The following SLC5A10 variants were observed in gnomAD, a reference collection of about 807,000 sequenced individuals.
SLC5A10 encodes the protein solute carrier family 5 member 10.
In SLC5A10, 55 loss-of-function variants were observed where a neutral mutation model predicts 68.9. That is an observed-to-expected ratio of 0.80 (90% CI 0.64 to 1.00). The LOEUF (loss-of-function observed/expected upper bound fraction) is 1.00, where lower values mean the gene tolerates loss of function less well. SLC5A10 is among the 50% of genes least tolerant of loss of function. SLC5A10 has a pLI of 0.00. For synonymous variants in SLC5A10, 344 were observed against 344.8 expected, an observed-to-expected ratio of 1.00 and a Z score of 0.02; for missense variants, 732 against 819.3, an observed-to-expected ratio of 0.89 and a Z score of 1.30.
upstream of SLC5A10, chr17:18,952,084 G>C: frequency 6.9e-7 from 1 of 1,455,176 alleles, no homozygotes; most frequent in Non-Finnish European, 9.1e-7. Context: ...CACATCATGG[G>C]CTGGAGATGC....
At chr17:18,977,846 C>CG (rs753077917) in intron 9 of SLC5A10, 10 of 1,610,836 alleles carry the variant, frequency 6.2e-6, no homozygotes, top group Non-Finnish European at 7.6e-6. Context: ...TGAGGGCCGT[C>CG]GGGGGCCAGG....
rs2043780798 is a variant in SLC5A10 at position 19,003,348 on chromosome 17, G to A, written c.983-10062G>A. Among the ~76,000 whole-genome samples the A allele has an allele frequency of 6.6e-6, 1 of 152,012 alleles. No homozygotes were observed. The highest frequency in any genetic ancestry group is 1.5e-5 in the Non-Finnish European group (1 of 67,984). ...AACCCTACCCTGCAAAGAAACTGCGGATCCCCACGAAGGTGGGGAGGAAAC... is the reference window on the plus strand; with the variant it reads ...AACCCTACCCTGCAAAGAAACTGCGAATCCCCACGAAGGTGGGGAGGAAAC... On this transcript the variant is annotated intron_variant, in intron 9 of 14. Transcript: ENST00000395645. The surrounding 1 kb of genome is among the most constrained non-coding windows in gnomAD (Gnocchi z 4.5).
intron 9 of SLC5A10, among the ~76,000 whole-genome samples, chr17:18,986,671 C>A (rs1477653335): frequency 6.6e-6 from 1 of 152,248 alleles, no homozygotes; most frequent in Non-Finnish European, 1.5e-5. Context: ...GAAGGCGAGG[C>A]CTCTGGAGTG....
intron 9 of SLC5A10, chr17:18,986,349 T>C (rs988697365): frequency 6.6e-6 from 1 of 152,214 alleles, no homozygotes; most frequent in South Asian, 2.1e-4. Context: ...GTGTTATTAT[T>C]TGTAGTTGTT....
At chr17:18,950,796 A>G, upstream of SLC5A10, 1 of 577,032 alleles carries the variant, frequency 1.7e-6, no homozygotes, top group Non-Finnish European at 2.2e-6. Flanking sequence ...GCTCACTGCA[A>G]TCTCTACCTC....
intron 1 of SLC5A10, among the ~76,000 whole-genome samples, chr17:18,952,740 C>A (rs1216872573): frequency 6.6e-6 from 1 of 151,460 alleles, no homozygotes; most frequent in African/African-American, 2.4e-5. Flanking sequence ...GCCCTGGGAA[C>A]TGGGGGTCTT....
At position 18,952,240 on chromosome 17, in the gene SLC5A10, C is replaced by T. The variant is rs2042380821; in HGVS notation, c.35C>T (p.Pro12Leu). ...AANSTSDLHT[P>L]GTQLSVADII... Reference sequence around the variant, plus strand: ...AACTCCACCAGCGACCTCCACACTCCCGGGACGCAGCTGAGCGTGGCTGAC... The same window carrying T: ...AACTCCACCAGCGACCTCCACACTCTCGGGACGCAGCTGAGCGTGGCTGAC... Residue 12 changes from proline to leucine, a missense_variant, in exon 1 of 15, where the codon CCC (proline) becomes CTC (leucine). Coordinates refer to ENST00000395645, the MANE Select transcript of SLC5A10 (RefSeq NM_001042450.4). The T allele has an allele frequency of 6.2e-7, 1 of 1,613,882 alleles. No homozygotes were observed. Among genetic ancestry groups the T allele is most frequent in the Non-Finnish European group, 8.5e-7 (1 of 1,179,892 alleles).
In SLC5A10 at chr17:18,958,988, G is replaced by T. The variant is rs115522833; in HGVS notation, c.184-147G>T. On this transcript the variant is annotated intron_variant, in intron 2 of 14. Coordinates refer to ENST00000395645, the MANE Select transcript of SLC5A10 (RefSeq NM_001042450.4). ...CTCCTTAGCTGTGCAGCTAGTCATG[G>T]GTAGAACACACACCCTGGGCTCCTC... The T allele has an allele frequency of 2.2e-3, 1,821 of 810,398 alleles. 23 individuals carry two copies. In the African/African-American group the frequency reaches 0.029, roughly 13 times the overall value. The allele number at this position is 810,398 out of a possible 1,614,324, so 50.2% of individuals were successfully genotyped here. A position where few individuals can be genotyped will look rare whatever the true frequency, so the allele number is the denominator to read the frequency against.
chr17:18,976,937 C>T lies in SLC5A10; in HGVS notation c.930C>T (p.Leu310=). Residue 310 remains leucine, a synonymous_variant, in exon 9 of 15, where the codon CTC becomes CTT. Coordinates refer to ENST00000395645, the MANE Select transcript of SLC5A10 (RefSeq NM_001042450.4). Reference sequence around the variant, plus strand: ...TCCTGGCCAGCTACCTCAAGATGCTCCCCATGGGCCTGATCATCATGCCGG... The same window carrying T: ...TCCTGGCCAGCTACCTCAAGATGCTTCCCATGGGCCTGATCATCATGCCGG... ...GSILASYLKM[L]PMGLIIMPGM... 2 of 1,613,418 alleles carry T rather than the reference C, an allele frequency of 1.2e-6. No homozygotes were observed. Among genetic ancestry groups the T allele is most frequent in the Non-Finnish European group, 8.5e-7 (1 of 1,179,808 alleles).
At chr17:18,975,613 G>C (rs2152006140) in intron 8 of SLC5A10, 1 of 152,218 alleles carries the variant, frequency 6.6e-6, no homozygotes, top group Middle Eastern at 3.4e-3. Context: ...AGAATCCCTT[G>C]AACCCTGGAA....
intron 9 of SLC5A10, among the ~76,000 whole-genome samples, chr17:18,994,165 T>A (rs1397660482): frequency 3.9e-5 from 6 of 152,182 alleles, no homozygotes; most frequent in African/African-American, 1.4e-4. Flanking sequence ...ACAGCCATGA[T>A]GGAATAACAG....
chr17:18,973,884 GTTTTT>G (rs35778801), intron 8 of SLC5A10, among the ~76,000 whole-genome samples: 45 of 95,728 alleles, frequency 4.7e-4, no homozygotes, highest in Non-Finnish European at 7.0e-4. Flanking sequence ...TTTTTTTTAA[GTTTTT>G]TTTTTTTTTT....
chr17:18,978,906 G>GC, intron 9 of SLC5A10: 2 of 1,583,932 alleles, frequency 1.3e-6, no homozygotes, highest in Non-Finnish European at 1.7e-6. Context: ...CCTCCGCCCA[G>GC]CCCCCGTGCA....
chr17:19,001,002 G>T (rs956364008), intron 9 of SLC5A10, among the ~76,000 whole-genome samples: 1 of 152,148 alleles, frequency 6.6e-6, no homozygotes, highest in African/African-American at 2.4e-5. Flanking sequence ...AGGGCACAAG[G>T]GATAGCCTAG....
intron 9 of SLC5A10, among the ~76,000 whole-genome samples, chr17:19,008,797 CATT>C (rs1452725812): frequency 2.1e-5 from 3 of 144,124 alleles, no homozygotes. Flanking sequence ...CCGTGCCTGG[CATT>C]ATTATTATTA....
intron 11 of SLC5A10, among the ~76,000 whole-genome samples, chr17:19,016,612 G>A (rs1287113343): frequency 6.6e-6 from 1 of 152,208 alleles, no homozygotes; most frequent in African/African-American, 2.4e-5. Flanking sequence ...GAAGGGCCCT[G>A]TTGGGACACG....
intron 9 of SLC5A10, among the ~76,000 whole-genome samples, chr17:19,009,304 A>G (rs897928120): frequency 6.6e-6 from 1 of 151,758 alleles, no homozygotes; most frequent in Admixed American, 6.6e-5. Flanking sequence ...CAATCCTCCC[A>G]CCTCAGCCTC....
At position 19,022,089 on chromosome 17, in the gene SLC5A10, G is replaced by C; in HGVS notation, c.*1658G>C. On this transcript the variant is annotated 3_prime_UTR_variant, in exon 15 of 15. Coordinates refer to ENST00000395645, the MANE Select transcript of SLC5A10 (RefSeq NM_001042450.4). ...GTCGCCACGGCGGAAGCTGAGCTGC[G>C]AGGGGTCCTGGGCTGAGAAGTCAAA... The C allele has an allele frequency of 1.3e-6, 2 of 1,587,486 alleles. No homozygotes were observed. The highest frequency in any genetic ancestry group is 2.3e-5 in the South Asian group (2 of 86,798).
At chr17:18,976,142 C>A (rs946938910) in intron 8 of SLC5A10, 1 of 142,388 alleles carries the variant, frequency 7.0e-6, no homozygotes, top group Non-Finnish European at 1.5e-5. Flanking sequence ...GAGCCGAGAT[C>A]GCACCACTGC....
Sources: allele counts gnomAD v4.1 joint callset (sites outside exome capture counted in the v4.1 genomes callset), GRCh38; gene constraint gnomAD v4.1.1; non-coding constraint Gnocchi (gnomAD v3.1); transcripts MANE v1.5; gene names NCBI Gene and HGNC (gene_info 2026-07-23, HGNC 2026-07-21).